Variants in ADGRL3 observed in about 807,000 individuals in gnomAD.
The protein encoded by ADGRL3 is adhesion G protein-coupled receptor L3, also known as calcium-independent alpha-latrotoxin receptor 3.
In ADGRL3, 62 loss-of-function variants were observed where a neutral mutation model predicts 153.5. The ratio of observed to expected loss-of-function variants is 0.40; its 90% CI spans 0.33 to 0.50. ADGRL3 has a LOEUF of 0.50. Ranked by LOEUF, ADGRL3 falls within the 20% of genes least tolerant of loss-of-function variation. The pLI, the probability that ADGRL3 is intolerant of heterozygous loss-of-function variation, is 0.47. For synonymous variants in ADGRL3, 710 were observed against 672.5 expected, an observed-to-expected ratio of 1.06 and a Z score of -0.86; for missense variants, 1,641 against 1,859.4, an observed-to-expected ratio of 0.88 and a Z score of 2.16.
chr4:61,815,720 A>G (rs1321301582), intron 9 of ADGRL3, among the ~76,000 whole-genome samples: 3 of 152,220 alleles, frequency 2.0e-5, no homozygotes, highest in African/African-American at 7.2e-5. Flanking sequence ...ATTACGGCAT[A>G]AGGCCACTGA....
At chr4:61,379,956 C>T (rs2096647920) in intron 1 of ADGRL3, among the ~76,000 whole-genome samples, 1 of 151,878 alleles carries the variant, frequency 6.6e-6, no homozygotes, top group Non-Finnish European at 1.5e-5. Context: ...CTGAATTTGG[C>T]TTTTTTGCCT....
At chr4:61,519,246 G>A (rs879735406) in intron 4 of ADGRL3, among the ~76,000 whole-genome samples, 4 of 152,094 alleles carry the variant, frequency 2.6e-5, no homozygotes, top group Non-Finnish European at 5.9e-5. Flanking sequence ...AGCTTAATAA[G>A]ATTTTTCTAT....
Position 61,895,815 on chromosome 4 carries a change from T to C in ADGRL3, c.1868T>C (p.Val623Ala). Residue 623 changes from valine to alanine, a missense_variant, in exon 11 of 27, where the codon GTC (valine) becomes GCC (alanine). Val to Ala is a moderately conservative substitution (Grantham distance 64, BLOSUM62 0). Around this residue, in one of 5 missense-constraint regions of ADGRL3, gnomAD observed 734 missense variants for 797.0 expected, o/e 0.92. Transcript: ENST00000683033. Reference sequence around the variant, plus strand: ...CTCAGCAACTGTTCTTCTCCTTGGGTCAATCATATAACACAGAAGGTAAAT... The same window carrying C: ...CTCAGCAACTGTTCTTCTCCTTGGGCCAATCATATAACACAGAAGGTAAAT... Reference protein sequence around the residue: ...PDLSNCSSPWVNHITQKLKSG... With the variant: ...PDLSNCSSPWANHITQKLKSG... The C allele has an allele frequency of 6.3e-7, 1 of 1,590,212 alleles. No homozygotes were observed. The highest frequency in any genetic ancestry group is 8.6e-7 in the Non-Finnish European group (1 of 1,166,408).
chr4:61,758,460 T>C (rs567133068), intron 8 of ADGRL3, among the ~76,000 whole-genome samples: 2 of 152,338 alleles, frequency 1.3e-5, no homozygotes, highest in East Asian at 3.9e-4. Context: ...TTTTGATCTT[T>C]GTTGGTTTAA....
intron 1 of ADGRL3, among the ~76,000 whole-genome samples, chr4:61,349,950 C>A (rs527663884): frequency 6.6e-6 from 1 of 152,158 alleles, no homozygotes; most frequent in South Asian, 2.1e-4. Context: ...TGCATTAATT[C>A]TTTTATTTAT....
At chr4:61,383,593 C>T (rs2096699663) in intron 2 of ADGRL3, among the ~76,000 whole-genome samples, 1 of 151,678 alleles carries the variant, frequency 6.6e-6, no homozygotes, top group African/African-American at 2.4e-5. Flanking sequence ...TGTACACTAA[C>T]ACAATGTGTT....
At chr4:61,550,970 C>G (rs188154086) in intron 4 of ADGRL3, among the ~76,000 whole-genome samples, 2 of 152,060 alleles carry the variant, frequency 1.3e-5, no homozygotes, top group Non-Finnish European at 2.9e-5. Context: ...ACAGGGCCCG[C>G]CTTACTGTTC....
At chr4:61,652,198 G>A (rs2094283810) in intron 5 of ADGRL3, among the ~76,000 whole-genome samples, 1 of 151,884 alleles carries the variant, frequency 6.6e-6, no homozygotes, top group African/African-American at 2.4e-5. Context: ...CAGAATATCA[G>A]GAGGTTTTTT....
intron 3 of ADGRL3, among the ~76,000 whole-genome samples, chr4:61,510,056 G>C (rs780943096): frequency 6.6e-6 from 1 of 152,186 alleles, no homozygotes; most frequent in South Asian, 2.1e-4. Flanking sequence ...TTGGCCGCTT[G>C]TATGTCTTCT....
intron 17 of ADGRL3, among the ~76,000 whole-genome samples, chr4:61,951,065 TTTAC>T (rs2150349335): frequency 6.6e-6 from 1 of 152,272 alleles, no homozygotes; most frequent in South Asian, 2.1e-4. Context: ...ATTTTTTATT[TTTAC>T]TTATTTATTT....
rs144457567 is a variant in ADGRL3 at position 61,883,630 on chromosome 4, T to C, written c.1481-9026T>C. Reference sequence around the variant, plus strand: ...TGATGGAGTGTTTATTTCATTATATTGTAAGAAGATATGTCTGTTACTACT... The same window carrying C: ...TGATGGAGTGTTTATTTCATTATATCGTAAGAAGATATGTCTGTTACTACT... On this transcript the variant is annotated intron_variant, in intron 9 of 26. Coordinates refer to ENST00000683033, the MANE Select transcript of ADGRL3 (RefSeq NM_001387552.1). 2.9e-3 allele frequency among the ~76,000 whole-genome samples: 447 copies of C among 152,310 alleles called. 3 individuals carry two copies. Among genetic ancestry groups the C allele is most frequent in the African/African-American group, 1.0e-2 (414 of 41,574 alleles).
At chr4:61,241,570 A>G (rs62312899) in intron 1 of ADGRL3, among the ~76,000 whole-genome samples, 2 of 151,944 alleles carry the variant, frequency 1.3e-5, no homozygotes, top group Non-Finnish European at 2.9e-5. Context: ...ATTTTTATTA[A>G]ATTTATAGGT....
chr4:61,395,455 TTTG>T (rs1365024396), intron 2 of ADGRL3, among the ~76,000 whole-genome samples: 2 of 151,880 alleles, frequency 1.3e-5, no homozygotes, highest in Non-Finnish European at 2.9e-5. Flanking sequence ...ACCAGGGTGT[TTTG>T]TTGTTATGAG....
At chr4:61,738,476 A>G (rs887447354) in intron 8 of ADGRL3, among the ~76,000 whole-genome samples, 2 of 152,096 alleles carry the variant, frequency 1.3e-5, no homozygotes, top group East Asian at 3.8e-4. Flanking sequence ...TTCTACTTTT[A>G]GTTCTTTAAG....
At chr4:61,736,672 T>G (rs942192111) in intron 8 of ADGRL3, among the ~76,000 whole-genome samples, 2 of 151,968 alleles carry the variant, frequency 1.3e-5, no homozygotes, top group East Asian at 3.9e-4. Flanking sequence ...AATAAATAAA[T>G]AAATAAAAGG....
intron 9 of ADGRL3, among the ~76,000 whole-genome samples, chr4:61,854,399 T>C (rs751208728): frequency 6.6e-6 from 1 of 152,126 alleles, no homozygotes; most frequent in Admixed American, 6.5e-5. Context: ...GCTCAAAAAA[T>C]AATTTGATAG....
At chr4:61,630,726 T>G (rs1022523224) in intron 5 of ADGRL3, among the ~76,000 whole-genome samples, 10 of 152,240 alleles carry the variant, frequency 6.6e-5, no homozygotes, top group Non-Finnish European at 1.5e-4. Flanking sequence ...TTGTAAATCA[T>G]GGTCACAAAG....
chr4:61,258,965 C>G lies in ADGRL3; in HGVS notation c.-240+57200C>G, dbSNP rs994544309. ...ATAAGAAGATACTAATTTGGACTTT[C>G]CTCTATCTTTCCAAAATTTTAAAGC... On this transcript the variant is annotated intron_variant, in intron 1 of 26. Coordinates refer to ENST00000683033, the MANE Select transcript of ADGRL3 (RefSeq NM_001387552.1). 4.6e-5 allele frequency among the ~76,000 whole-genome samples: 7 copies of G among 152,270 alleles called. No individual in the cohort carries two copies. In the East Asian group the frequency reaches 1.4e-3, roughly 29 times the overall value.
chr4:61,823,663 T>A (rs2097775146), intron 9 of ADGRL3, among the ~76,000 whole-genome samples: 1 of 152,154 alleles, frequency 6.6e-6, no homozygotes, highest in South Asian at 2.1e-4. Flanking sequence ...ATACTAAGCC[T>A]TGGAGCCAGG....
Sources: allele counts gnomAD v4.1 joint callset (sites outside exome capture counted in the v4.1 genomes callset), GRCh38; gene constraint gnomAD v4.1.1; regional missense constraint gnomAD v4.1.1; transcripts MANE v1.5; gene names NCBI Gene and HGNC (gene_info 2026-07-23, HGNC 2026-07-21).